TASP1: variants seen among roughly 807,000 people sequenced by gnomAD.
TASP1 encodes the protein taspase 1, also known as threonine aspartase 1.
Under a neutral mutation model 56.6 loss-of-function variants are expected in TASP1, and 16 were observed. The observed-to-expected ratio is 0.28, with a 90% CI of 0.19 to 0.43. The LOEUF is 0.43. TASP1 is among the 20% of genes least tolerant of loss of function. The pLI, the probability that TASP1 is intolerant of heterozygous loss-of-function variation, is 1.00. For synonymous variants in TASP1, 179 were observed against 184.2 expected (o/e 0.97, Z 0.23); for missense variants, 393 against 511.6 (o/e 0.77, Z 2.24).
the TASP1 span, among the ~76,000 whole-genome samples, chr20:13,175,516 G>T: frequency 6.6e-6 from 1 of 152,144 alleles, no homozygotes; most frequent in Non-Finnish European, 1.5e-5. Context: ...AGTGAGAGGT[G>T]GGAAGTTAGA....
chr20:13,493,932 C>T (rs975560468), intron 10 of TASP1, among the ~76,000 whole-genome samples: 1 of 151,860 alleles, frequency 6.6e-6, no homozygotes, highest in Non-Finnish European at 1.5e-5. Context: ...CAAATGAACC[C>T]AGGGAAGGAG....
chr20:13,509,788 G>A (rs932790231), intron 10 of TASP1, among the ~76,000 whole-genome samples: 12 of 152,014 alleles, frequency 7.9e-5, no homozygotes, highest in South Asian at 2.1e-4. Context: ...CATCACGCCC[G>A]GCTAATTTTT....
the TASP1 span, among the ~76,000 whole-genome samples, chr20:13,238,413 C>A: frequency 6.6e-6 from 1 of 152,188 alleles, no homozygotes. Flanking sequence ...TACTCATTAA[C>A]TTATTTGGAG....
the TASP1 span, among the ~76,000 whole-genome samples, chr20:13,151,100 C>T: frequency 6.6e-6 from 1 of 152,196 alleles, no homozygotes; most frequent in African/African-American, 2.4e-5. Context: ...TACTGACTCA[C>T]CTTGCACTGC....
chr20:13,311,830 A>T, the TASP1 span, among the ~76,000 whole-genome samples: 2 of 152,208 alleles, frequency 1.3e-5, no homozygotes, highest in African/African-American at 2.4e-5. Flanking sequence ...AAAGTGTACA[A>T]AGTTTCAGTT....
chr20:13,477,657 G>C (rs2042991203), intron 11 of TASP1, among the ~76,000 whole-genome samples: 1 of 152,122 alleles, frequency 6.6e-6, no homozygotes, highest in African/African-American at 2.4e-5. Context: ...GGTTTTATAT[G>C]TGTATATGTG....
intron 11 of TASP1, among the ~76,000 whole-genome samples, chr20:13,447,361 T>C (rs1344319987): frequency 2.0e-5 from 3 of 152,172 alleles, no homozygotes; most frequent in African/African-American, 7.2e-5. Flanking sequence ...ATCTGTGGCA[T>C]ACACAACTGT....
At chr20:13,393,768 A>G in intron 13 of TASP1, 1 of 622,830 alleles carries the variant, frequency 1.6e-6, no homozygotes, top group South Asian at 1.7e-5. Flanking sequence ...CCCCTACCAC[A>G]CTGAGAATCT....
chr20:13,132,145 C>T, the TASP1 span, among the ~76,000 whole-genome samples: 1 of 151,614 alleles, frequency 6.6e-6, no homozygotes, highest in Non-Finnish European at 1.5e-5. Context: ...TCCTCCTGTC[C>T]CTCTAATTCT....
chr20:13,222,157 G>T, the TASP1 span, among the ~76,000 whole-genome samples: 5 of 152,190 alleles, frequency 3.3e-5, no homozygotes, highest in Non-Finnish European at 5.9e-5. Context: ...TGTCTGTCAC[G>T]GGTCAGGTGC....
At chr20:13,596,307 G>A (rs1178739385) in intron 4 of TASP1, among the ~76,000 whole-genome samples, 9 of 151,740 alleles carry the variant, frequency 5.9e-5, no homozygotes, top group African/African-American at 9.7e-5. Flanking sequence ...CCCAGGAGGC[G>A]GAGGTTGCAG....
Position 13,617,396 on chromosome 20 carries a change from C to T in TASP1, c.282+6050G>A, listed in dbSNP as rs909260005. 3.1e-4 allele frequency among the ~76,000 whole-genome samples: 47 copies of T among 152,214 alleles called. 1 individual carries two copies. Among genetic ancestry groups the T allele is most frequent in the African/African-American group, 1.1e-3 (46 of 41,518 alleles). ...ACATACATAGAAACACATCCCACTCCCCTTACAGAGAATAAAAGATATTAT... is the reference window on the plus strand; with the variant it reads ...ACATACATAGAAACACATCCCACTCTCCTTACAGAGAATAAAAGATATTAT... On this transcript the variant is annotated intron_variant, in intron 4 of 13. Transcript: ENST00000337743.
At chr20:13,533,765 C>A (rs1238533843) in intron 9 of TASP1, among the ~76,000 whole-genome samples, 1 of 152,050 alleles carries the variant, frequency 6.6e-6, no homozygotes, top group Non-Finnish European at 1.5e-5. Context: ...AATACCCAGG[C>A]CAGTGCCCAG....
the TASP1 span, among the ~76,000 whole-genome samples, chr20:13,289,405 G>A: frequency 2.0e-5 from 3 of 152,282 alleles, no homozygotes; most frequent in South Asian, 2.1e-4. Context: ...CGCAACCTGG[G>A]GCGTCTTGGT....
intron 13 of TASP1, among the ~76,000 whole-genome samples, chr20:13,397,986 C>T (rs751542400): frequency 6.6e-6 from 1 of 152,094 alleles, no homozygotes; most frequent in Non-Finnish European, 1.5e-5. Flanking sequence ...ATGATTTGTA[C>T]TAGGTGAAAC....
At chr20:13,601,395 C>A (rs566857758) in intron 4 of TASP1, among the ~76,000 whole-genome samples, 1 of 152,176 alleles carries the variant, frequency 6.6e-6, no homozygotes, top group East Asian at 1.9e-4. Flanking sequence ...CAAGGGCCAA[C>A]TGAAAGAGCT....
chr20:13,295,653 A>G, the TASP1 span, among the ~76,000 whole-genome samples: 3 of 152,236 alleles, frequency 2.0e-5, no homozygotes, highest in Admixed American at 6.5e-5. Context: ...AGAGGAAGGC[A>G]GCAGGACTAG....
intron 9 of TASP1, among the ~76,000 whole-genome samples, chr20:13,529,364 C>T (rs1448352159): frequency 6.6e-6 from 1 of 152,132 alleles, no homozygotes; most frequent in Non-Finnish European, 1.5e-5. Flanking sequence ...ATAACTCTTC[C>T]ACTCCATAGT....
chr20:13,197,158 C>T, the TASP1 span, among the ~76,000 whole-genome samples: 2 of 152,206 alleles, frequency 1.3e-5, no homozygotes, highest in Non-Finnish European at 2.9e-5. Flanking sequence ...AGAAACAGAA[C>T]TTGTTCACTG....
Sources: gnomAD v4.1 joint callset for allele counts (sites outside exome capture counted in the v4.1 genomes callset) on GRCh38, gnomAD v4.1.1 for gene constraint, MANE v1.5 for transcripts, NCBI Gene and HGNC (gene_info 2026-07-23, HGNC 2026-07-21) for gene names.